EPG5: variants seen among roughly 807,000 people sequenced by gnomAD.
The protein encoded by EPG5 is ectopic P-granules 5 autophagy tethering factor, also known as ectopic P granules protein 5 homolog.
In EPG5, 159 loss-of-function variants were observed where a neutral mutation model predicts 302.7. That is an observed-to-expected ratio of 0.53 (90% CI 0.46 to 0.60). The LOEUF (loss-of-function observed/expected upper bound fraction) is 0.60. Among genes scored for constraint, EPG5 ranks in the 20% least tolerant of loss-of-function variants. EPG5 has a pLI of 0.00. For missense variants in EPG5, 2,896 were observed against 3,092.4 expected, an observed-to-expected ratio of 0.94 and a Z score of 1.51; for synonymous variants, 1,158 against 1,136.8, an observed-to-expected ratio of 1.02 and a Z score of -0.37.
Position 45,867,881 on chromosome 18 carries a change from C to G in EPG5, c.6226-133G>C, listed in dbSNP as rs1454916398. On this transcript the variant is annotated intron_variant, in intron 36 of 43. Transcript: ENST00000282041. ...CAGATTATATCACTTAGAATCCCAC[C>G]TCCTAGAGATTTAGACTTAATATTT... The G allele has an allele frequency of 1.9e-5, 14 of 744,874 alleles. No homozygotes were observed. The East Asian group carries it at 3.5e-4, about 19-fold the overall frequency. The allele number at this position is 744,874 out of a possible 1,614,324, so 46.1% of individuals were successfully genotyped here.
At position 45,903,184 on chromosome 18, in the gene EPG5, C is replaced by T. The variant is rs547932577; in HGVS notation, c.4474+789G>A. Among the ~76,000 whole-genome samples, 6 of 152,182 alleles carry T rather than the reference C, an allele frequency of 3.9e-5. No individual in the cohort carries two copies. In the South Asian group the frequency reaches 1.2e-3, roughly 32 times the overall value. On this transcript the variant is annotated intron_variant, in intron 25 of 43. Coordinates refer to ENST00000282041, the MANE Select transcript of EPG5 (RefSeq NM_020964.3). ...ACGTTGTTGGCTTGAGGGCAATTTT[C>T]ATCCCTTTCTCTATATACCTTTCTA...
At position 45,884,730 on chromosome 18, in the gene EPG5, A is replaced by G; in HGVS notation, c.5191T>C (p.Ser1731Pro). Residue 1731 changes from serine to proline, a missense_variant, in exon 30 of 44, where the codon TCT becomes CCT. Coordinates refer to ENST00000282041, the MANE Select transcript of EPG5 (RefSeq NM_020964.3). The stretch of plus-strand genomic sequence containing the variant: ...GCAGCATTGGGAGTGAAGAAAGGAG[A>G]CAGCAGGGAGCAGAGCCTGCTGTTC... ...LKNSRLCSLL[S>P]PFFTPNAAPA... is the part of the protein sequence containing the mutation. The G allele has an allele frequency of 6.2e-7, 1 of 1,611,004 alleles. No homozygotes were observed.
intron 39 of EPG5, among the ~76,000 whole-genome samples, chr18:45,862,582 T>C (rs1041218243): frequency 9.4e-6 from 1 of 106,428 alleles, no homozygotes; most frequent in African/African-American, 3.8e-5. Context: ...AGAGATGTCG[T>C]AGTTTAAAAG....
intron 27 of EPG5, among the ~76,000 whole-genome samples, chr18:45,894,643 A>G (rs1056853380): frequency 6.6e-6 from 1 of 152,186 alleles, no homozygotes; most frequent in African/African-American, 2.4e-5. Flanking sequence ...TTTGGCCTGA[A>G]CTAAATACTG....
At chr18:45,857,812 G>T in intron 42 of EPG5, 41 bp downstream of exon 42, 1 of 1,538,492 alleles carries the variant, frequency 6.5e-7, no homozygotes, top group Non-Finnish European at 9.0e-7. Flanking sequence ...AGATGTCTGA[G>T]GCCTATTTAG....
chr18:45,927,593 T>TACAC (rs67488772), intron 13 of EPG5, among the ~76,000 whole-genome samples: 51,597 of 132,932 alleles, frequency 0.39, 10,545 homozygotes, highest in Non-Finnish European at 0.47. Flanking sequence ...CAAAAAGTTA[T>TACAC]ACACACACAC....
intron 40 of EPG5, 38 bp downstream of exon 40, chr18:45,860,066 A>G: frequency 6.2e-7 from 1 of 1,606,070 alleles, no homozygotes; most frequent in African/African-American, 1.3e-5. Flanking sequence ...TTTCTGGAAA[A>G]GACCAATACA....
At chr18:45,945,353 T>C (rs2050763639) in intron 7 of EPG5, among the ~76,000 whole-genome samples, 1 of 152,184 alleles carries the variant, frequency 6.6e-6, no homozygotes, top group African/African-American at 2.4e-5. Flanking sequence ...CAGGTGATTC[T>C]AGTATATAGC....
intron 33 of EPG5, among the ~76,000 whole-genome samples, chr18:45,878,745 A>C (rs2049025319): frequency 6.6e-6 from 1 of 152,234 alleles, no homozygotes; most frequent in Non-Finnish European, 1.5e-5. Flanking sequence ...AAATGACAGA[A>C]AGGGTTGGAA....
rs762263988 is a variant in EPG5 at position 45,917,710 on chromosome 18, G to A, written c.3208C>T (p.Pro1070Ser). The A allele has an allele frequency of 3.7e-6, 6 of 1,614,060 alleles. No individual in the cohort carries two copies. The Admixed American group carries it at 5.0e-5, about 13-fold the overall frequency. ...TTCTTCAGAAGGTAATACTGGCAAG[G>A]GTAAAATAAAGGCAGAATCTTATCC... ...VLDKILPLFYPCQYYLLKNEQ... is the reference protein window; with the variant it reads ...VLDKILPLFYSCQYYLLKNEQ... Residue 1070 changes from proline (P) to serine (S), a missense_variant, in exon 17 of 44, where the codon CCT (proline) becomes TCT (serine). Around this residue, in one of 5 missense-constraint regions of EPG5, gnomAD observed 1,390 missense variants for 1,430.0 expected, o/e 0.97. Transcript: ENST00000282041.
intron 25 of EPG5, among the ~76,000 whole-genome samples, chr18:45,902,055 T>C (rs1458544974): frequency 1.3e-5 from 2 of 152,108 alleles, no homozygotes; most frequent in African/African-American, 4.8e-5. Flanking sequence ...AGGAAGGCAG[T>C]GGTCAAGGGA....
At chr18:45,958,919 G>A (rs1457157876) in intron 1 of EPG5, among the ~76,000 whole-genome samples, 3 of 152,140 alleles carry the variant, frequency 2.0e-5, no homozygotes, top group Admixed American at 2.0e-4. Flanking sequence ...CCCAGGAACT[G>A]ACTCAGTGCA....
At chr18:45,807,369 C>A in the EPG5 span, among the ~76,000 whole-genome samples, 1 of 152,212 alleles carries the variant, frequency 6.6e-6, no homozygotes, top group African/African-American at 2.4e-5. Flanking sequence ...CTTCCCCATA[C>A]TACTGCAGCT....
intron 16 of EPG5, among the ~76,000 whole-genome samples, chr18:45,920,791 C>T (rs1276306068): frequency 6.6e-6 from 1 of 152,216 alleles, no homozygotes; most frequent in East Asian, 1.9e-4. Context: ...CAAATGTCAA[C>T]ATGAGGTTTA....
intron 13 of EPG5, among the ~76,000 whole-genome samples, chr18:45,928,435 C>G (rs894273943): frequency 1.3e-5 from 2 of 152,102 alleles, no homozygotes; most frequent in Non-Finnish European, 2.9e-5. Flanking sequence ...ATGACAGAAA[C>G]AAATTAAATG....
At chr18:45,825,576 T>C in the EPG5 span, 8 of 707,340 alleles carry the variant, frequency 1.1e-5, no homozygotes, top group Admixed American at 1.2e-4. Flanking sequence ...CTGTCCCCAG[T>C]TCCTCCGGCT....
chr18:45,924,281 AGAG>A (rs1481489286), intron 14 of EPG5, among the ~76,000 whole-genome samples: 1 of 152,224 alleles, frequency 6.6e-6, no homozygotes, highest in Non-Finnish European at 1.5e-5. Flanking sequence ...CAGCTCTTCA[AGAG>A]GAGAGCCTAG....
At chr18:45,837,638 A>C in the EPG5 span, 24 of 1,507,230 alleles carry the variant, frequency 1.6e-5, no homozygotes, top group Non-Finnish European at 2.0e-5. Context: ...GCTGACGGCC[A>C]TCTGGCGCGC....
chr18:45,876,395 T>G, intron 34 of EPG5, 53 bp from the exon 35 acceptor site: 1 of 1,460,194 alleles, frequency 6.8e-7, no homozygotes, highest in South Asian at 1.1e-5. Flanking sequence ...TAAAATACTG[T>G]TAAGTCCCAG....
Sources: gnomAD v4.1 joint callset for allele counts (sites outside exome capture counted in the v4.1 genomes callset) on GRCh38, gnomAD v4.1.1 for gene constraint, gnomAD v4.1.1 regional missense constraint, MANE v1.5 for transcripts, NCBI Gene and HGNC (gene_info 2026-07-23, HGNC 2026-07-21) for gene names.